PKIA: variants seen among roughly 807,000 people sequenced by gnomAD.
PKIA encodes PKI-alpha.
A neutral mutation model predicts 7.6 loss-of-function variants in PKIA; 4 were observed. That is an observed-to-expected ratio of 0.52 (90% CI 0.26 to 1.20). PKIA has a LOEUF of 1.20. Ranked by LOEUF, PKIA falls within the 50% of genes most tolerant of loss-of-function variation. The probability of loss-of-function intolerance (pLI) is 0.13; values close to 1 mark genes in which losing one functional copy is unlikely to be tolerated. For synonymous variants in PKIA, 21 were observed against 30.7 expected, an observed-to-expected ratio of 0.68 and a Z score of 1.04; for missense variants, 73 against 86.2, an observed-to-expected ratio of 0.85 and a Z score of 0.61.
chr8:78,572,252 C>T (rs915064959), intron 1 of PKIA, among the ~76,000 whole-genome samples: 2 of 152,004 alleles, frequency 1.3e-5, no homozygotes, highest in African/African-American at 2.4e-5. Context: ...AAGCCAAACA[C>T]AAACACACAC....
At position 78,601,868 on chromosome 8, in the gene PKIA, C is replaced by T. The variant is rs555016915; in HGVS notation, c.*47C>T. On this transcript the variant is annotated 3_prime_UTR_variant, in exon 4 of 4. Transcript: ENST00000396418. ...CACACCTGAAAATGTCTCAAATCTC[C>T]AGGAGTATCTGGAATGCATTTGTTT... is the stretch of plus-strand genomic sequence containing the variant. 1.0e-5 allele frequency: 14 copies of T among 1,395,618 alleles called. No homozygotes were observed. The South Asian group carries it at 1.3e-4, about 13-fold the overall frequency. The allele number at this position is 1,395,618 out of a possible 1,614,324, so 86.5% of individuals were successfully genotyped here.
chr8:78,565,608 C>T (rs1453615218), intron 1 of PKIA, among the ~76,000 whole-genome samples: 3 of 151,928 alleles, frequency 2.0e-5, no homozygotes, highest in Non-Finnish European at 4.4e-5. Flanking sequence ...TGGCAGTGCT[C>T]TTGCTATTTC....
intron 1 of PKIA, among the ~76,000 whole-genome samples, chr8:78,549,781 C>G (rs1373620791): frequency 6.6e-6 from 1 of 150,494 alleles, no homozygotes; most frequent in Non-Finnish European, 1.5e-5. Context: ...ATTACTTGAG[C>G]CTACTCAGAG....
chr8:78,523,624 C>T (rs1169319943), intron 1 of PKIA, among the ~76,000 whole-genome samples: 1 of 151,778 alleles, frequency 6.6e-6, no homozygotes, highest in Non-Finnish European at 1.5e-5. Context: ...TCATACACAG[C>T]TTCTCTGATA....
At chr8:78,583,820 T>G (rs1427332204) in intron 2 of PKIA, among the ~76,000 whole-genome samples, 4 of 152,076 alleles carry the variant, frequency 2.6e-5, no homozygotes. Flanking sequence ...AACGGTAAGT[T>G]TGTGGGAGTC....
At chr8:78,560,236 T>A (rs1195244305) in intron 1 of PKIA, among the ~76,000 whole-genome samples, 2 of 152,256 alleles carry the variant, frequency 1.3e-5, no homozygotes, top group Non-Finnish European at 2.9e-5. Context: ...AAGACATTTT[T>A]AAATCTGCAT....
chr8:78,552,313 G>A (rs373696380), intron 1 of PKIA, among the ~76,000 whole-genome samples: 4 of 146,216 alleles, frequency 2.7e-5, no homozygotes, highest in Non-Finnish European at 4.5e-5. Context: ...TCATTTGACC[G>A]ATTTTACCAT....
intron 3 of PKIA, among the ~76,000 whole-genome samples, chr8:78,599,168 A>C (rs146772475): frequency 1.3e-5 from 2 of 152,090 alleles, no homozygotes; most frequent in African/African-American, 4.8e-5. Context: ...AGTTTGATGG[A>C]TTAAAAAACT....
chr8:78,581,585 A>AG (rs1807807744), intron 2 of PKIA, among the ~76,000 whole-genome samples: 1 of 152,046 alleles, frequency 6.6e-6, no homozygotes, highest in Non-Finnish European at 1.5e-5. Context: ...TTTTCCTGCC[A>AG]AAAAACACAT....
chr8:78,565,664 C>T (rs1304209214), intron 1 of PKIA, among the ~76,000 whole-genome samples: 1 of 151,828 alleles, frequency 6.6e-6, no homozygotes, highest in Non-Finnish European at 1.5e-5. Flanking sequence ...TTCTCTTGTA[C>T]CTACATACAC....
rs143009887 is a variant in PKIA at position 78,584,979 on chromosome 8, G to A, written c.-28+12040G>A. On this transcript the variant is annotated intron_variant, in intron 2 of 3. Coordinates refer to ENST00000396418, the MANE Select transcript of PKIA (RefSeq NM_006823.4). ...TAATAATAATTTCTAGTTCTGCTAA[G>A]AGAGTCAATAGTAGAGCTGCTTGAT... Among the ~76,000 whole-genome samples, 53 of 152,076 alleles carry A rather than the reference G, an allele frequency of 3.5e-4. No homozygotes were observed. The East Asian group carries it at 7.9e-3, about 23-fold the overall frequency.
chr8:78,539,108 T>C (rs1285960180), intron 1 of PKIA, among the ~76,000 whole-genome samples: 1 of 152,084 alleles, frequency 6.6e-6, no homozygotes, highest in East Asian at 1.9e-4. Context: ...GTTAATTAAA[T>C]GTGGCATAAA....
At chr8:78,532,986 T>C (rs756436924) in intron 1 of PKIA, among the ~76,000 whole-genome samples, 19 of 152,096 alleles carry the variant, frequency 1.2e-4, no homozygotes, top group Non-Finnish European at 1.8e-4. Flanking sequence ...CGCCTGGTCT[T>C]GTGAGAGCAA....
chr8:78,584,348 T>G (rs1418253476), intron 2 of PKIA, among the ~76,000 whole-genome samples: 1 of 152,122 alleles, frequency 6.6e-6, no homozygotes, highest in East Asian at 1.9e-4. Flanking sequence ...AACACCTCTA[T>G]TCAGATGAAG....
chr8:78,519,120 C>T (rs2118306688), intron 1 of PKIA, among the ~76,000 whole-genome samples: 1 of 151,480 alleles, frequency 6.6e-6, no homozygotes, highest in African/African-American at 2.4e-5. Flanking sequence ...AAATGAACTG[C>T]AGGCACTTTT....
At chr8:78,518,514 A>G (rs73687528) in intron 1 of PKIA, among the ~76,000 whole-genome samples, 12,819 of 152,250 alleles carry the variant, frequency 0.084, 625 homozygotes, top group East Asian at 0.22. Context: ...TAAATAACCT[A>G]AGGTATATGA....
At chr8:78,591,554 C>G (rs1808094237) in intron 2 of PKIA, among the ~76,000 whole-genome samples, 1 of 152,068 alleles carries the variant, frequency 6.6e-6, no homozygotes, top group African/African-American at 2.4e-5. Context: ...ATTTCTAATT[C>G]ATAGATTTTG....
chr8:78,545,811 C>T (rs909837399), intron 1 of PKIA, among the ~76,000 whole-genome samples: 2 of 152,118 alleles, frequency 1.3e-5, no homozygotes, highest in Non-Finnish European at 2.9e-5. Flanking sequence ...TGTGGAAATA[C>T]TGATAGCATC....
chr8:78,526,271 G>A (rs1342268872), intron 1 of PKIA, among the ~76,000 whole-genome samples: 1 of 152,052 alleles, frequency 6.6e-6, no homozygotes, highest in Non-Finnish European at 1.5e-5. Context: ...GTTAGGCTCT[G>A]ATCAGCAGTG....
Sources: gnomAD v4.1 joint callset for allele counts (sites outside exome capture counted in the v4.1 genomes callset) on GRCh38, gnomAD v4.1.1 for gene constraint, MANE v1.5 for transcripts, NCBI Gene and HGNC (gene_info 2026-07-23, HGNC 2026-07-21) for gene names.